The following CORO1C variants were observed in gnomAD, a reference collection of about 807,000 sequenced individuals.
CORO1C encodes the protein coronin 1C.
A neutral mutation model predicts 51.2 loss-of-function variants in CORO1C; 14 were observed. That is an observed-to-expected ratio of 0.27 (90% confidence interval 0.18 to 0.43). The LOEUF (loss-of-function observed/expected upper bound fraction) is 0.43, where lower values mean the gene tolerates loss of function less well. Ranked by LOEUF, CORO1C falls within the 20% of genes least tolerant of loss-of-function variation. The pLI is 1.00. For missense variants in CORO1C, 417 were observed against 607.8 expected (o/e 0.69, Z 3.30); for synonymous variants, 181 against 210.5 (o/e 0.86, Z 1.21).
At chr12:108,659,887 A>G (rs1425249922) in intron 4 of CORO1C, among the ~76,000 whole-genome samples, 1 of 152,250 alleles carries the variant, frequency 6.6e-6, no homozygotes, top group African/African-American at 2.4e-5. Context: ...AGCTACATAG[A>G]TTCAGAAACG....
At chr12:108,712,866 A>C (rs1438119170) in intron 1 of CORO1C, among the ~76,000 whole-genome samples, 1 of 148,010 alleles carries the variant, frequency 6.8e-6, no homozygotes, top group African/African-American at 2.5e-5. Flanking sequence ...TTGAGGCTGC[A>C]GTATGCTATG....
At position 108,731,509 on chromosome 12, in the gene CORO1C, G is replaced by A. The variant is rs1257487599; in HGVS notation, c.-86C>T. 1.3e-5 allele frequency: 2 copies of A among 151,652 alleles called. No homozygotes were observed. Among genetic ancestry groups the A allele is most frequent in the African/African-American group, 2.4e-5 (1 of 41,324 alleles). The allele number at this position is 151,652 out of a possible 1,614,324, so 9.4% of individuals were successfully genotyped here. A position where few individuals can be genotyped will look rare whatever the true frequency, so the allele number is the denominator to read the frequency against. On this transcript the variant is annotated 5_prime_UTR_variant, in exon 1 of 11. Coordinates refer to ENST00000261401, the MANE Select transcript of CORO1C (RefSeq NM_014325.4). The surrounding 1 kb of genome is among the most constrained non-coding windows in gnomAD (Gnocchi z 5.2). Reference sequence around the variant, plus strand: ...AAGCCTCCAACCGCTGCCGCCTCCAGCCTGGCACTGAGCGCCGTGCGGGGG... The same window carrying A: ...AAGCCTCCAACCGCTGCCGCCTCCAACCTGGCACTGAGCGCCGTGCGGGGG...
Position 108,731,145 on chromosome 12 carries a change from C to T in CORO1C, c.-6+284G>A, listed in dbSNP as rs1205546971. The T allele has an allele frequency of 6.5e-6, 1 of 152,978 alleles. No individual in the cohort carries two copies. The highest frequency in any genetic ancestry group is 1.5e-5 in the Non-Finnish European group (1 of 68,652). The allele number at this position is 152,978 out of a possible 1,614,324, so 9.5% of individuals were successfully genotyped here. On this transcript the variant is annotated intron_variant, in intron 1 of 10. Transcript: ENST00000261401. The surrounding 1 kb of genome is among the most constrained non-coding windows in gnomAD (Gnocchi z 5.2). ...ACCCGGCCAGGAGCGTTCCGGACCT[C>T]GAAAGCCTCCTCCCCACAGGGACCC...
rs774862106 is a variant in CORO1C at position 108,652,427 on chromosome 12, A to G, written c.856-10T>C. ...GAATACTGCTGTCACCCTGTAAGAAACCAGAGACAAGTCTGTGTCTGATTG... is the reference window on the plus strand; with the variant it reads ...GAATACTGCTGTCACCCTGTAAGAAGCCAGAGACAAGTCTGTGTCTGATTG... On this transcript the variant is annotated splice_polypyrimidine_tract_variant and intron_variant, in intron 7 of 10. Coordinates refer to ENST00000261401, the MANE Select transcript of CORO1C (RefSeq NM_014325.4). The G allele has an allele frequency of 1.1e-5, 17 of 1,611,274 alleles. No individual in the cohort carries two copies. The South Asian group carries it at 1.5e-4, about 15-fold the overall frequency.
At chr12:108,704,752 T>C (rs754347310) in intron 1 of CORO1C, among the ~76,000 whole-genome samples, 19 of 152,188 alleles carry the variant, frequency 1.2e-4, no homozygotes, top group Non-Finnish European at 2.4e-4. Flanking sequence ...GCACAGAATG[T>C]CTCAGGCCCT....
chr12:108,721,581 A>T (rs2035474457), intron 1 of CORO1C, among the ~76,000 whole-genome samples: 1 of 152,240 alleles, frequency 6.6e-6, no homozygotes, highest in African/African-American at 2.4e-5. Flanking sequence ...CGAATTTTTT[A>T]AATGATACCA....
At chr12:108,656,273 C>T (rs559676006) in intron 6 of CORO1C, among the ~76,000 whole-genome samples, 2,791 of 150,542 alleles carry the variant, frequency 0.019, 78 homozygotes, top group African/African-American at 0.064. Context: ...GCAGCCACCC[C>T]GTCCGGGAGG....
intron 1 of CORO1C, among the ~76,000 whole-genome samples, chr12:108,710,243 T>A (rs2136875109): frequency 6.6e-6 from 1 of 152,328 alleles, no homozygotes; most frequent in Admixed American, 6.5e-5. Context: ...GGTTGAAACC[T>A]CTATCTTAGA....
At chr12:108,664,433 A>T (rs1194104500) in intron 3 of CORO1C, among the ~76,000 whole-genome samples, 1 of 152,214 alleles carries the variant, frequency 6.6e-6, no homozygotes, top group African/African-American at 2.4e-5. Flanking sequence ...AAGAGTGGGA[A>T]AAAGTCATGA....
chr12:108,686,324 A>G (rs1359593243), intron 2 of CORO1C, among the ~76,000 whole-genome samples: 1 of 152,242 alleles, frequency 6.6e-6, no homozygotes, highest in Admixed American at 6.5e-5. Flanking sequence ...GCAAATTTAA[A>G]TGAATGCAGA....
At position 108,675,265 on chromosome 12, in the gene CORO1C, C is replaced by T. The variant is rs116885977; in HGVS notation, c.318+3007G>A. ...AAACCAGGACTTCCGAAAGAAATGG[C>T]TTGGGCAGGGATGTCCAAAGTGAGC... On this transcript the variant is annotated intron_variant, in intron 3 of 10. Coordinates refer to ENST00000261401, the MANE Select transcript of CORO1C (RefSeq NM_014325.4). Among the ~76,000 whole-genome samples the T allele has an allele frequency of 1.4e-3, 210 of 152,266 alleles. 4 individuals are homozygous for T. In the East Asian group the frequency reaches 0.017, roughly 12 times the overall value.
Position 108,651,123 on chromosome 12 carries a change from T to C in CORO1C, c.1001+1149A>G, listed in dbSNP as rs907946129. Among the ~76,000 whole-genome samples, 7 of 152,340 alleles carry C rather than the reference T, an allele frequency of 4.6e-5. 1 individual carries two copies. Among genetic ancestry groups the C allele is most frequent in the Admixed American group, 6.5e-5 (1 of 15,304 alleles). Reference sequence around the variant, plus strand: ...CCCACGACCACACATAGCAAATTTTTTATTTTTAGTAGAGATTAATATAAA... The same window carrying C: ...CCCACGACCACACATAGCAAATTTTCTATTTTTAGTAGAGATTAATATAAA... On this transcript the variant is annotated intron_variant, in intron 8 of 10. Transcript: ENST00000261401.
intron 3 of CORO1C, among the ~76,000 whole-genome samples, chr12:108,671,320 G>T (rs2033710720): frequency 1.3e-5 from 2 of 151,840 alleles, no homozygotes; most frequent in Admixed American, 6.6e-5. Context: ...GCAAGACCTT[G>T]TCTCAAAAAA....
At chr12:108,712,560 G>GA in intron 1 of CORO1C, among the ~76,000 whole-genome samples, 1 of 80,814 alleles carries the variant, frequency 1.2e-5, no homozygotes, top group East Asian at 3.8e-4. Flanking sequence ...AACAACAAGC[G>GA]AAACTGTCTC....
intron 3 of CORO1C, among the ~76,000 whole-genome samples, chr12:108,672,371 T>A (rs935962723): frequency 2.6e-5 from 4 of 152,224 alleles, no homozygotes; most frequent in Non-Finnish European, 5.9e-5. Context: ...TTTTAAAAAG[T>A]TGTTTAGTTT....
intron 3 of CORO1C, among the ~76,000 whole-genome samples, chr12:108,666,805 T>G (rs981501667): frequency 1.3e-5 from 2 of 152,172 alleles, no homozygotes; most frequent in Non-Finnish European, 2.9e-5. Context: ...CAGGGGTTAT[T>G]AGAAGGGTTA....
chr12:108,654,443 G>A (rs1270923977), intron 6 of CORO1C, 33 bp from the exon 7 acceptor site: 1 of 1,168,254 alleles, frequency 8.6e-7, no homozygotes, highest in Admixed American at 1.9e-5. Flanking sequence ...ACATATATGT[G>A]TATGTATACA....
At chr12:108,676,381 T>C (rs1255027253) in intron 3 of CORO1C, among the ~76,000 whole-genome samples, 1 of 152,198 alleles carries the variant, frequency 6.6e-6, no homozygotes, top group African/African-American at 2.4e-5. Flanking sequence ...ACTATTTTTT[T>C]TAAAAGGATA....
chr12:108,701,101 G>A (rs757306545), intron 2 of CORO1C, 23 bp downstream of exon 2: 63 of 1,609,448 alleles, frequency 3.9e-5, no homozygotes, highest in Non-Finnish European at 5.1e-5. Flanking sequence ...GTGTCTACCA[G>A]AATGGAAGAT....
Sources: gnomAD v4.1 joint callset for allele counts (sites outside exome capture counted in the v4.1 genomes callset) on GRCh38, gnomAD v4.1.1 for gene constraint, Gnocchi (gnomAD v3.1) non-coding constraint, MANE v1.5 for transcripts, NCBI Gene and HGNC (gene_info 2026-07-23, HGNC 2026-07-21) for gene names.